The following KHDC1 variants were observed in gnomAD, a reference collection of about 807,000 sequenced individuals.
KHDC1 encodes the protein KH homology domain-containing protein 1.
A neutral mutation model predicts 24.7 loss-of-function variants in KHDC1; 21 were observed. That is an observed-to-expected ratio of 0.85 (90% confidence interval 0.60 to 1.23). KHDC1 has a LOEUF of 1.23. KHDC1 is among the 50% of genes most tolerant of loss of function. The pLI is 0.00. For synonymous variants in KHDC1, 98 were observed against 111.7 expected (o/e 0.88, Z 0.77); for missense variants, 274 against 298.5 (o/e 0.92, Z 0.61).
chr6:73,274,783 T>C (rs1259103538), intron 2 of KHDC1: 3 of 152,210 alleles, frequency 2.0e-5, no homozygotes, highest in Non-Finnish European at 4.4e-5. Context: ...TTGATAATTT[T>C]ATAACATTTA....
intron 2 of KHDC1, among the ~76,000 whole-genome samples, chr6:73,273,571 C>T (rs530639048): frequency 1.3e-5 from 2 of 150,824 alleles, no homozygotes; most frequent in Admixed American, 6.6e-5. Context: ...AGTCCCAGCA[C>T]TTTGGGAGGC....
intron 2 of KHDC1, among the ~76,000 whole-genome samples, chr6:73,272,234 G>T (rs1767192294): frequency 6.6e-6 from 1 of 151,546 alleles, no homozygotes; most frequent in Non-Finnish European, 1.5e-5. Context: ...AGCGATCTCG[G>T]CTCACTGCAA....
At chr6:73,246,965 T>A (rs1766678874) in intron 2 of KHDC1, among the ~76,000 whole-genome samples, 1 of 151,582 alleles carries the variant, frequency 6.6e-6, no homozygotes, top group Non-Finnish European at 1.5e-5. Flanking sequence ...AAAAAAAAAA[T>A]AAGTCAACTT....
chr6:73,278,994 T>C (rs911823220), intron 2 of KHDC1, among the ~76,000 whole-genome samples: 6 of 152,224 alleles, frequency 3.9e-5, no homozygotes, highest in Non-Finnish European at 7.3e-5. Flanking sequence ...ATGATAAATC[T>C]GTATTCTTCT....
chr6:73,257,151 G>A (rs544475188), intron 2 of KHDC1, among the ~76,000 whole-genome samples: 3 of 152,192 alleles, frequency 2.0e-5, no homozygotes, highest in East Asian at 3.9e-4. Flanking sequence ...AAATTAGCTG[G>A]GCATGGTGGC....
intron 1 of KHDC1, among the ~76,000 whole-genome samples, chr6:73,303,652 C>A (rs1051978317): frequency 6.6e-6 from 1 of 152,070 alleles, no homozygotes; most frequent in East Asian, 1.9e-4. Context: ...CAGTCTAATC[C>A]TGAGAAAACA....
chr6:73,252,730 T>C (rs1416561860), intron 2 of KHDC1, among the ~76,000 whole-genome samples: 4 of 151,742 alleles, frequency 2.6e-5, no homozygotes, highest in African/African-American at 9.7e-5. Flanking sequence ...GGCTGGAGAA[T>C]GGCTTGAGTC....
At chr6:73,248,364 GTCTCTCTC>G (rs139528627) in intron 2 of KHDC1, among the ~76,000 whole-genome samples, 63 of 147,182 alleles carry the variant, frequency 4.3e-4, no homozygotes, top group African/African-American at 1.5e-3. Context: ...TTCTCTCTCT[GTCTCTCTC>G]TCTCTCTCTC....
At chr6:73,307,649 T>C (rs1046012474) in intron 1 of KHDC1, among the ~76,000 whole-genome samples, 6 of 152,092 alleles carry the variant, frequency 3.9e-5, no homozygotes, top group Non-Finnish European at 5.9e-5. Context: ...CTGCCTGAGA[T>C]TCCCTCAGGC....
intron 2 of KHDC1, among the ~76,000 whole-genome samples, chr6:73,254,467 A>AAAATAAAT (rs199968966): frequency 3.8e-4 from 53 of 140,608 alleles, no homozygotes; most frequent in Admixed American, 1.1e-3. Context: ...TCTTAAAATA[A>AAAATAAAT]AAATAAATAA....
At chr6:73,258,723 AG>A (rs1178247546) in intron 2 of KHDC1, among the ~76,000 whole-genome samples, 1 of 152,226 alleles carries the variant, frequency 6.6e-6, no homozygotes, top group Non-Finnish European at 1.5e-5. Flanking sequence ...GTGTGACCTC[AG>A]AAAAGGTATC....
At chr6:73,300,460 C>G (rs1325870566) in intron 1 of KHDC1, 1 of 152,166 alleles carries the variant, frequency 6.6e-6, no homozygotes, top group Non-Finnish European at 1.5e-5. Flanking sequence ...TATATCCTCA[C>G]CCAATTATGT....
At position 73,304,178 on chromosome 6, in the gene KHDC1, C is replaced by CA. The variant is rs914350705; in HGVS notation, c.163+5373dup. Among the ~76,000 whole-genome samples, 956 of 140,858 alleles carry CA rather than the reference C, an allele frequency of 6.8e-3. 9 individuals are homozygous for CA. The highest frequency in any genetic ancestry group is 0.024 in the African/African-American group (914 of 38,282). The allele number at this position is 140,858 out of a possible 152,430, so 92.4% of individuals were successfully genotyped here. The stretch of plus-strand genomic sequence containing the variant: ...TAGGTGACAGAGCAAGACTCCATCT[C>CA]AAAAAAAAAAGAAAAAAAATTGTTC... On this transcript the variant is annotated intron_variant, in intron 1 of 4. Coordinates refer to ENST00000370384, the Ensembl canonical transcript of KHDC1.
chr6:73,253,115 T>C lies in KHDC1; in HGVS notation c.207-10585A>G, dbSNP rs184724381. On this transcript the variant is annotated intron_variant, in intron 2 of 4. Transcript: ENST00000370384. ...AAAAGGCTGCAGTTTTACTAATGCA[T>C]GAAAAGACCAATCAGTGAAATAGAA... Among the ~76,000 whole-genome samples, 1,475 of 152,206 alleles carry C rather than the reference T, an allele frequency of 9.7e-3. 8 individuals carry two copies. The highest frequency in any genetic ancestry group is 0.02 in the Middle Eastern group (6 of 294).
intron 1 of KHDC1, chr6:73,292,170 T>G (rs1247590458): frequency 6.5e-7 from 1 of 1,532,428 alleles, no homozygotes; most frequent in African/African-American, 1.4e-5. Context: ...CCTCATGCTT[T>G]GAAAGAGAAT....
chr6:73,278,068 G>A (rs1300237545), intron 2 of KHDC1, among the ~76,000 whole-genome samples: 1 of 145,222 alleles, frequency 6.9e-6, no homozygotes, highest in Non-Finnish European at 1.5e-5. Context: ...CTGGAGTGCG[G>A]TGGTGCGATC....
In KHDC1 at chr6:73,272,015, G is replaced by GGTTA. The variant is rs535904916; in HGVS notation, c.206+19979_206+19982dup. On this transcript the variant is annotated intron_variant, in intron 2 of 4. Transcript: ENST00000370384. ...TAGTGTAATCCCATTTAAAAAAAAA[G>GGTTA]GTTACAAATTGTGCTTTTCTATGAG... 2.5e-4 allele frequency among the ~76,000 whole-genome samples: 37 copies of GGTTA among 148,900 alleles called. 1 individual carries two copies. In the East Asian group the frequency reaches 7.2e-3, roughly 29 times the overall value.
intron 2 of KHDC1, among the ~76,000 whole-genome samples, chr6:73,256,201 TTTCA>T (rs1766877871): frequency 6.6e-6 from 1 of 152,214 alleles, no homozygotes; most frequent in Non-Finnish European, 1.5e-5. Context: ...TTAAAAAGAC[TTTCA>T]TTCATTTATT....
intron 2 of KHDC1, among the ~76,000 whole-genome samples, chr6:73,272,394 C>G (rs1395794181): frequency 6.6e-6 from 1 of 151,896 alleles, no homozygotes; most frequent in Non-Finnish European, 1.5e-5. Context: ...CCTGGCCTCC[C>G]AAAGTGCTGG....
Sources: gnomAD v4.1 joint callset for allele counts (sites outside exome capture counted in the v4.1 genomes callset) on GRCh38, gnomAD v4.1.1 for gene constraint, MANE v1.5 for transcripts, NCBI Gene and HGNC (gene_info 2026-07-23, HGNC 2026-07-21) for gene names.